Variants in SREBF2 observed in about 807,000 individuals in gnomAD.
The protein encoded by SREBF2 is sterol regulatory element-binding protein 2.
In SREBF2, 55 loss-of-function variants were observed where a neutral mutation model predicts 113.1. The observed-to-expected ratio is 0.49, with a 90% CI of 0.39 to 0.61. The LOEUF is 0.61. SREBF2 is among the 20% of genes least tolerant of loss of function. SREBF2 has a pLI of 0.00. For synonymous variants in SREBF2, 593 were observed against 605.7 expected (o/e 0.98, Z 0.31); for missense variants, 1,349 against 1,487.4 (o/e 0.91, Z 1.53).
chr22:41,899,116 T>C (rs1362321194), intron 15 of SREBF2: 6 of 771,592 alleles, frequency 7.8e-6, no homozygotes, highest in African/African-American at 1.8e-5. Flanking sequence ...AGAAGCTTTG[T>C]GGTGGAGGCA....
rs537637147 is a variant in SREBF2 at position 41,888,440 on chromosome 22, G to T, written c.2208+3429G>T. The stretch of plus-strand genomic sequence containing the variant: ...TGGCACCTTTTTTTCATAAATCAAG[G>T]ATCCGTGTACCGTGGGTCTGCCTCC... On this transcript the variant is annotated intron_variant, in intron 11 of 18. Coordinates refer to ENST00000361204, the MANE Select transcript of SREBF2 (RefSeq NM_004599.4). Among the ~76,000 whole-genome samples, 4 of 150,832 alleles carry T rather than the reference G, an allele frequency of 2.7e-5. No homozygotes were observed. The South Asian group carries it at 8.4e-4, about 32-fold the overall frequency.
In SREBF2 at chr22:41,833,276, C is replaced by G; in HGVS notation, c.6C>G (p.Asp2Glu). Residue 2 changes from aspartate (D) to glutamate (E), a missense_variant, in exon 1 of 19, where the codon GAC becomes GAG. Asp to Glu is a conservative substitution (Grantham distance 45). This residue lies in a region of SREBF2 where 699 missense variants were observed against 843.3 expected (regional missense o/e 0.83). Coordinates refer to ENST00000361204, the MANE Select transcript of SREBF2 (RefSeq NM_004599.4). This position sits in a 1 kb window ranked among gnomAD's most constrained non-coding sequence, Gnocchi z 4.1. The stretch of plus-strand genomic sequence containing the variant: ...CTTCTGCGCTGAGCCGGGCGATGGA[C>G]GACAGCGGCGAGCTGGGTGGTCTGG... M[D>E]DSGELGGLET... is the part of the protein sequence containing the mutation. The G allele has an allele frequency of 6.6e-7, 1 of 1,525,968 alleles. No individual in the cohort carries two copies. The highest frequency in any genetic ancestry group is 2.6e-5 in the East Asian group (1 of 38,066). 94.5% of individuals were successfully genotyped at this position (1,525,968 alleles called of 1,614,324 possible). A position where few individuals can be genotyped will look rare whatever the true frequency, so the allele number is the denominator to read the frequency against.
chr22:41,885,921 T>C (rs982247991), intron 11 of SREBF2: 1 of 152,220 alleles, frequency 6.6e-6, no homozygotes, highest in Admixed American at 6.5e-5. Flanking sequence ...AGTGTACTCT[T>C]TATGTCTACA....
chr22:41,865,146 A>AAC (rs133284), intron 1 of SREBF2, among the ~76,000 whole-genome samples: 403 of 149,692 alleles, frequency 2.7e-3, no homozygotes, highest in South Asian at 4.1e-3. Context: ...TCCCCCAAAA[A>AAC]ACACACACAC....
At chr22:41,904,405 C>G (rs1001287164) in intron 17 of SREBF2, 7 of 363,374 alleles carry the variant, frequency 1.9e-5, no homozygotes, top group Non-Finnish European at 3.8e-5. Flanking sequence ...GCAGACTTTA[C>G]CCGCACACCT....
chr22:41,858,436 A>C (rs1371738567), intron 1 of SREBF2, among the ~76,000 whole-genome samples: 1 of 152,206 alleles, frequency 6.6e-6, no homozygotes, highest in Non-Finnish European at 1.5e-5. Context: ...ATTTCTAAAA[A>C]TCATGCCATG....
chr22:41,902,455 C>T (rs1377023355), intron 16 of SREBF2, among the ~76,000 whole-genome samples: 1 of 152,158 alleles, frequency 6.6e-6, no homozygotes, highest in Non-Finnish European at 1.5e-5. Flanking sequence ...TAGGCCTAGT[C>T]CCCAAGCACT....
intron 12 of SREBF2, 61 bp from the exon 13 acceptor site, chr22:41,894,758 TA>T: frequency 6.9e-7 from 1 of 1,450,784 alleles, no homozygotes; most frequent in Non-Finnish European, 9.7e-7. Flanking sequence ...TTTCTCTCCG[TA>T]AAGACAAAGT....
chr22:41,858,994 G>T lies in SREBF2; in HGVS notation c.89-7837G>T, dbSNP rs553456129. Among the ~76,000 whole-genome samples the T allele has an allele frequency of 1.3e-4, 20 of 151,766 alleles. No individual in the cohort carries two copies. The East Asian group carries it at 3.7e-3, about 28-fold the overall frequency. ...CCGTCTCTACTGGGCGTGGTGGCGG[G>T]CGCCTGTAATCCCAGCTACTCAGGA... On this transcript the variant is annotated intron_variant, in intron 1 of 18. Coordinates refer to ENST00000361204, the MANE Select transcript of SREBF2 (RefSeq NM_004599.4).
chr22:41,901,814 G>A (rs1248705772), intron 16 of SREBF2, among the ~76,000 whole-genome samples: 1 of 152,220 alleles, frequency 6.6e-6, no homozygotes, highest in East Asian at 1.9e-4. Flanking sequence ...TCAGTTTGGG[G>A]AATGAGAGGC....
chr22:41,900,111 C>T lies in SREBF2; in HGVS notation c.2739-219C>T. ...TGAAGCCTGTGTCTCTGACTTCCAG[C>T]ATTGAATGAAGGTGCTAAAGGGTGG... On this transcript the variant is annotated intron_variant, in intron 15 of 18. Transcript: ENST00000361204. 2.8e-6 allele frequency: 4 copies of T among 1,446,968 alleles called. No homozygotes were observed. The South Asian group carries it at 5.6e-5, about 20-fold the overall frequency. 89.6% of individuals were successfully genotyped at this position (1,446,968 alleles called of 1,614,324 possible).
intron 11 of SREBF2, among the ~76,000 whole-genome samples, chr22:41,885,383 G>C (rs1284256678): frequency 6.6e-6 from 1 of 152,198 alleles, no homozygotes; most frequent in East Asian, 1.9e-4. Flanking sequence ...TATGTCTCAT[G>C]GTTCTTTCAT....
In SREBF2 at chr22:41,893,212, GT is replaced by G; in HGVS notation, c.2309del (p.Phe770SerfsTer8). ...RWLCHPLGQK[F>X]FMERSWSVKS... ...GGCTCTGCCACCCCCTGGGCCAGAA[GT>G]TTTTCATGGAGCGGAGCTGGTCTGT... On this transcript the variant is annotated frameshift_variant, in exon 12 of 19. Transcript: ENST00000361204. LOFTEE classifies it high-confidence loss of function. 6.2e-7 allele frequency: 1 copy of G among 1,614,200 alleles called. No homozygotes were observed. Among genetic ancestry groups the G allele is most frequent in the Non-Finnish European group, 8.5e-7 (1 of 1,180,050 alleles).
intron 11 of SREBF2, 98 bp from the exon 12 acceptor site, chr22:41,893,019 C>A (rs889778163): frequency 6.9e-7 from 1 of 1,455,420 alleles, no homozygotes; most frequent in Non-Finnish European, 9.5e-7. Flanking sequence ...CAGTCTCCCC[C>A]AAAGCCCACC....
chr22:41,879,081 G>T (rs186192149), intron 9 of SREBF2, among the ~76,000 whole-genome samples: 81 of 152,262 alleles, frequency 5.3e-4, no homozygotes, highest in African/African-American at 1.8e-3. Context: ...GGCTGGTCCT[G>T]AACTCCTAGG....
At chr22:41,878,555 T>A (rs930029637) in intron 9 of SREBF2, 15 of 715,178 alleles carry the variant, frequency 2.1e-5, no homozygotes, top group Non-Finnish European at 3.0e-5. Flanking sequence ...TGGAGAGGGC[T>A]TTCACTAGGA....
intron 4 of SREBF2, chr22:41,873,589 C>A: frequency 1.7e-6 from 1 of 599,848 alleles, no homozygotes; most frequent in East Asian, 2.8e-5. Context: ...AGTTTATCAG[C>A]AGTGATTCTT....
At chr22:41,847,914 A>AT (rs1234713732) in intron 1 of SREBF2, among the ~76,000 whole-genome samples, 4 of 79,638 alleles carry the variant, frequency 5.0e-5, no homozygotes, top group African/African-American at 1.7e-4. Context: ...TTTCATTATT[A>AT]TTATTATTTT....
chr22:41,860,162 A>G (rs1745764791), intron 1 of SREBF2, among the ~76,000 whole-genome samples: 1 of 152,030 alleles, frequency 6.6e-6, no homozygotes, highest in Non-Finnish European at 1.5e-5. Context: ...TTAAAAGAGA[A>G]ATAACAAAGT....
Sources: allele counts gnomAD v4.1 joint callset (sites outside exome capture counted in the v4.1 genomes callset), GRCh38; gene constraint gnomAD v4.1.1; regional missense constraint gnomAD v4.1.1; non-coding constraint Gnocchi (gnomAD v3.1); transcripts MANE v1.5; gene names NCBI Gene and HGNC (gene_info 2026-07-23, HGNC 2026-07-21).